The following SLC26A8 variants were observed in gnomAD, a reference collection of about 807,000 sequenced individuals.
SLC26A8 encodes the protein solute carrier family 26 member 8, also known as testis anion transporter 1.
A neutral mutation model predicts 105.0 loss-of-function variants in SLC26A8; 70 were observed. The ratio of observed to expected loss-of-function variants is 0.67; its 90% CI spans 0.55 to 0.81. The LOEUF (loss-of-function observed/expected upper bound fraction) is 0.81. Ranked by LOEUF, SLC26A8 falls within the 40% of genes least tolerant of loss-of-function variation. The pLI is 0.00. For missense variants in SLC26A8, 998 were observed against 1,181.8 expected (o/e 0.84, Z 2.28); for synonymous variants, 415 against 438.3 (o/e 0.95, Z 0.66).
intron 8 of SLC26A8, among the ~76,000 whole-genome samples, chr6:35,979,789 G>A (rs1773199440): frequency 6.6e-6 from 1 of 152,120 alleles, no homozygotes; most frequent in Admixed American, 6.6e-5. Flanking sequence ...AAGGGGACAT[G>A]GACACAGCAG....
At chr6:35,970,591 T>C (rs1018242240) in intron 10 of SLC26A8, among the ~76,000 whole-genome samples, 2 of 152,236 alleles carry the variant, frequency 1.3e-5, no homozygotes, top group African/African-American at 4.8e-5. Context: ...AGTTGGCCTT[T>C]GCTGATGTTA....
chr6:35,962,879 T>C (rs1251117892), intron 11 of SLC26A8, among the ~76,000 whole-genome samples: 1 of 152,134 alleles, frequency 6.6e-6, no homozygotes. Flanking sequence ...TCATAGCTCA[T>C]TGCAGCCTTG....
chr6:36,021,933 T>G (rs1184117734), intron 1 of SLC26A8, among the ~76,000 whole-genome samples: 1 of 151,942 alleles, frequency 6.6e-6, no homozygotes, highest in Non-Finnish European at 1.5e-5. Flanking sequence ...CCTCCCAAAG[T>G]GCTGGGATTA....
intron 2 of SLC26A8, among the ~76,000 whole-genome samples, chr6:36,015,623 G>A (rs1314514635): frequency 1.3e-5 from 2 of 152,162 alleles, no homozygotes; most frequent in Non-Finnish European, 2.9e-5. Flanking sequence ...TATTTATAAT[G>A]AGGGTAAAGT....
At position 35,968,885 on chromosome 6, in the gene SLC26A8, G is replaced by A. The variant is rs770533644; in HGVS notation, c.1357C>T (p.Leu453=). 6.2e-7 allele frequency: 1 copy of A among 1,602,114 alleles called. No homozygotes were observed. The highest frequency in any genetic ancestry group is 1.1e-5 in the South Asian group (1 of 90,726). ...MVKMGHFFYT[L]PNAVLAGIIL... ...TGATCAGTTCTACTTACATTTGGCA[G>A]TGTGTAGAAAAAGTGTCCCATCTTC... Residue 453 remains leucine (L), a synonymous_variant, in exon 11 of 20, where the codon CTG becomes TTG. Coordinates refer to ENST00000490799, the MANE Select transcript of SLC26A8 (RefSeq NM_052961.4).
intron 5 of SLC26A8, among the ~76,000 whole-genome samples, chr6:35,996,591 G>A (rs1467693414): frequency 2.0e-5 from 3 of 152,050 alleles, no homozygotes; most frequent in African/African-American, 7.2e-5. Flanking sequence ...GTGCCACCCA[G>A]GCTGGAGTGC....
At chr6:35,977,441 T>TC in intron 8 of SLC26A8, 90 bp from the exon 9 acceptor site, 2 of 1,276,668 alleles carry the variant, frequency 1.6e-6, no homozygotes, top group Non-Finnish European at 2.1e-6. Flanking sequence ...CTGTCCTGAT[T>TC]CTTTTTTTTT....
chr6:35,997,425 C>T (rs997571781), intron 5 of SLC26A8, among the ~76,000 whole-genome samples: 1 of 152,212 alleles, frequency 6.6e-6, no homozygotes, highest in Non-Finnish European at 1.5e-5. Flanking sequence ...TCTTTTGCAA[C>T]TGGTCCCCGG....
chr6:35,956,646 A>C (rs998899068), intron 16 of SLC26A8, among the ~76,000 whole-genome samples: 4 of 151,944 alleles, frequency 2.6e-5, no homozygotes, highest in Non-Finnish European at 1.5e-5. Flanking sequence ...AAGGCCAGGC[A>C]TGGTGGCTCA....
chr6:35,974,039 C>T (rs979351633), intron 10 of SLC26A8, among the ~76,000 whole-genome samples: 8 of 152,120 alleles, frequency 5.3e-5, no homozygotes, highest in South Asian at 4.1e-4. Context: ...AACATTGGGC[C>T]GGGCCCGGTG....
chr6:35,964,035 C>T (rs746134772), intron 11 of SLC26A8, among the ~76,000 whole-genome samples: 10 of 151,948 alleles, frequency 6.6e-5, no homozygotes, highest in Non-Finnish European at 1.3e-4. Context: ...CATAGTGAGA[C>T]ACCATCTCTA....
intron 11 of SLC26A8, among the ~76,000 whole-genome samples, chr6:35,967,096 G>A (rs1017101942): frequency 1.2e-4 from 19 of 152,200 alleles, no homozygotes; most frequent in African/African-American, 3.9e-4. Context: ...TACCTCTACT[G>A]GGAATCAGAG....
intron 19 of SLC26A8, among the ~76,000 whole-genome samples, 162 bp downstream of exon 19, chr6:35,951,001 C>T (rs951765008): frequency 6.6e-6 from 1 of 152,120 alleles, no homozygotes; most frequent in African/African-American, 2.4e-5. Context: ...GGGTGCATTT[C>T]AACATCCCAG....
At chr6:35,999,759 T>C (rs1311002623) in intron 4 of SLC26A8, among the ~76,000 whole-genome samples, 1 of 152,212 alleles carries the variant, frequency 6.6e-6, no homozygotes, top group East Asian at 1.9e-4. Flanking sequence ...AAAGTACCTC[T>C]GCCCTTTAAT....
At chr6:36,014,609 C>T (rs1363006724) in intron 2 of SLC26A8, among the ~76,000 whole-genome samples, 6 of 152,108 alleles carry the variant, frequency 3.9e-5, no homozygotes, top group East Asian at 1.9e-4. Flanking sequence ...TGGCCAGGTG[C>T]GGTGGCTCAT....
chr6:35,962,509 A>T lies in SLC26A8; in HGVS notation c.1461+17T>A. 6.2e-7 allele frequency: 1 copy of T among 1,606,222 alleles called. No individual in the cohort carries two copies. The highest frequency in any genetic ancestry group is 1.3e-5 in the African/African-American group (1 of 74,716). ...CCCTCTGCCCTCCCCTTCCTCAGCC[A>T]GGGCATCTACACTCACACAGTCATA... On this transcript the variant is annotated intron_variant, in intron 12 of 19. Coordinates refer to ENST00000490799, the MANE Select transcript of SLC26A8 (RefSeq NM_052961.4).
At chr6:35,946,062 T>C (rs1300208437) in intron 19 of SLC26A8, among the ~76,000 whole-genome samples, 2 of 152,240 alleles carry the variant, frequency 1.3e-5, no homozygotes, top group Non-Finnish European at 2.9e-5. Context: ...CTCTTGTCTA[T>C]CTATGCTCTC....
chr6:35,972,012 G>A (rs1772816815), intron 10 of SLC26A8, among the ~76,000 whole-genome samples: 1 of 152,234 alleles, frequency 6.6e-6, no homozygotes, highest in Non-Finnish European at 1.5e-5. Context: ...GCCTGCCAAT[G>A]CCTCAGGCTG....
intron 1 of SLC26A8, among the ~76,000 whole-genome samples, chr6:36,024,046 G>A (rs1336870623): frequency 6.6e-6 from 1 of 151,638 alleles, no homozygotes. Context: ...ACACATCAAC[G>A]GCATTTGACA....
Sources: gnomAD v4.1 joint callset for allele counts (sites outside exome capture counted in the v4.1 genomes callset) on GRCh38, gnomAD v4.1.1 for gene constraint, MANE v1.5 for transcripts, NCBI Gene and HGNC (gene_info 2026-07-23, HGNC 2026-07-21) for gene names.